Variants in ZDHHC19 observed in about 807,000 individuals in gnomAD.
ZDHHC19 encodes palmitoyltransferase ZDHHC19.
A neutral mutation model predicts 33.9 loss-of-function variants in ZDHHC19; 30 were observed. That is an observed-to-expected ratio of 0.88 (90% CI 0.66 to 1.20). The LOEUF (loss-of-function observed/expected upper bound fraction) is 1.20. Among genes scored for constraint, ZDHHC19 ranks in the 50% most tolerant of loss-of-function variants. ZDHHC19 has a pLI of 0.00. For synonymous variants in ZDHHC19, 178 were observed against 167.6 expected (o/e 1.06, Z -0.48); for missense variants, 364 against 401.1 (o/e 0.91, Z 0.79).
rs1019035221 is a variant in ZDHHC19 at position 196,210,265 on chromosome 3, A to G, written c.268+351T>C. ...AGAAAGAAAGAAAAAGAAAGAAAGA[A>G]AAGAGAAAGAAAGAAAGAAAGAAGG... On this transcript the variant is annotated intron_variant, in intron 2 of 7. Coordinates refer to ENST00000296326, the MANE Select transcript of ZDHHC19 (RefSeq NM_001039617.2). Among the ~76,000 whole-genome samples the G allele has an allele frequency of 3.7e-4, 28 of 76,676 alleles. No individual in the cohort carries two copies. The South Asian group carries it at 6.7e-3, about 18-fold the overall frequency. 50.3% of individuals were successfully genotyped at this position (76,676 alleles called of 152,430 possible).
rs778312288 is a variant in ZDHHC19, at chr3:196,210,680, G to C, written c.204C>G (p.Leu68=). ...CAAGACTGAAGAAGGTAAGGACAAA[G>C]AGGGAGCCTGTGATAACAGGAAAGG... ...EWAFPVITGS[L]FVLTFFSLVS... Residue 68 remains leucine, a synonymous_variant, in exon 2 of 8, where the codon CTC becomes CTG. Coordinates refer to ENST00000296326, the MANE Select transcript of ZDHHC19 (RefSeq NM_001039617.2). 1.2e-6 allele frequency: 2 copies of C among 1,613,988 alleles called. No individual in the cohort carries two copies. The highest frequency in any genetic ancestry group is 2.7e-5 in the African/African-American group (2 of 74,926).
intron 5 of ZDHHC19, among the ~76,000 whole-genome samples, chr3:196,199,165 C>T (rs529693014): frequency 6.6e-6 from 1 of 152,332 alleles, no homozygotes; most frequent in African/African-American, 2.4e-5. Flanking sequence ...ATCACATGGC[C>T]CAGGAAAATC....
At chr3:196,204,695 C>T (rs1722598334) in intron 5 of ZDHHC19, among the ~76,000 whole-genome samples, 2 of 152,184 alleles carry the variant, frequency 1.3e-5, no homozygotes, top group African/African-American at 4.8e-5. Flanking sequence ...AAACAAAAAA[C>T]AACTGACAAC....
chr3:196,210,711 T>TC lies in ZDHHC19; in HGVS notation c.172dup (p.Glu58GlyfsTer36). ...GCCTGTGATAACAGGAAAGGCCCAC[T>TC]CCCCGTTCTGAGCCAGCCACCTGCA... On this transcript the variant is annotated frameshift_variant, in exon 2 of 8. Transcript: ENST00000296326. LOFTEE classifies it high-confidence loss of function. 2 of 1,613,830 alleles carry TC rather than the reference T, an allele frequency of 1.2e-6. No individual in the cohort carries two copies. Among genetic ancestry groups the TC allele is most frequent in the Non-Finnish European group, 1.7e-6 (2 of 1,179,908 alleles).
intron 5 of ZDHHC19, among the ~76,000 whole-genome samples, chr3:196,205,879 C>T (rs997205321): frequency 6.6e-6 from 1 of 151,950 alleles, no homozygotes; most frequent in East Asian, 1.9e-4. Flanking sequence ...AGGCTGGTCT[C>T]GAACTCCTGA....
chr3:196,207,398 C>T lies in ZDHHC19; in HGVS notation c.687G>A (p.Lys229=). The T allele has an allele frequency of 1.9e-6, 3 of 1,557,656 alleles. No homozygotes were observed. Among genetic ancestry groups the T allele is most frequent in the Non-Finnish European group, 2.6e-6 (3 of 1,151,612 alleles). ...VSSADRTYKG[K]CRHLQGYNPF... is the part of the protein sequence containing the mutation. ...GCTGACCACCCGCGGCCCCGCGTACCTTGCCCTTGTAGGTGCGGTCGGCCG... is the reference window on the plus strand; with the variant it reads ...GCTGACCACCCGCGGCCCCGCGTACTTTGCCCTTGTAGGTGCGGTCGGCCG... Residue 229 remains lysine, a splice_region_variant and synonymous_variant, in exon 5 of 8, where the codon AAG becomes AAA. Transcript: ENST00000296326.
At chr3:196,208,332 A>C in intron 4 of ZDHHC19, 56 bp downstream of exon 4, 2 of 1,445,938 alleles carry the variant, frequency 1.4e-6, no homozygotes, top group Non-Finnish European at 1.9e-6. Flanking sequence ...CGCCCTCTGC[A>C]GCCCCCTCCT....
At chr3:196,198,070 G>A (rs185900509) in intron 7 of ZDHHC19, among the ~76,000 whole-genome samples, 1 of 152,096 alleles carries the variant, frequency 6.6e-6, no homozygotes, top group Non-Finnish European at 1.5e-5. Flanking sequence ...ATTTGTCTTT[G>A]TGACTCCAGG....
chr3:196,198,424 C>T lies in ZDHHC19; in HGVS notation c.801G>A (p.Gln267=). The change falls in exon 7 of 8, where the codon CAG becomes CAA. Residue 267 remains glutamine, a synonymous_variant. Coordinates refer to ENST00000296326, the MANE Select transcript of ZDHHC19 (RefSeq NM_001039617.2). ...PKYMAEAVQL[Q]RVVGPDWTSM... is the part of the protein sequence containing the mutation. ...ATGTCCAGTCAGGCCCCACCACTCT[C>T]TGCAGCTGGACAGCTTCAGCCATGT... The T allele has an allele frequency of 1.3e-6, 2 of 1,558,850 alleles. No individual in the cohort carries two copies. Among genetic ancestry groups the T allele is most frequent in the South Asian group, 2.4e-5 (2 of 82,320 alleles).
intron 4 of ZDHHC19, 110 bp downstream of exon 4, chr3:196,208,278 G>A (rs1722941392): frequency 1.1e-6 from 1 of 871,250 alleles, no homozygotes. Context: ...TCCCAGACTG[G>A]TCCTCCCAGG....
Position 196,210,628 on chromosome 3 carries a change from T to C in ZDHHC19, c.256A>G (p.Ile86Val). ...GCTGATGCCTCACCTTGATGTAAGA[T>C]GCCAGGGTCTGAGAAGTTGAGTGAA... ...LVSLNFSDPG[I>V]LHQGSAEQGP... Residue 86 changes from isoleucine to valine, a missense_variant, in exon 2 of 8, where the codon ATC becomes GTC. Physicochemically the swap from Ile to Val is conservative, Grantham distance 29 (BLOSUM62 3). Coordinates refer to ENST00000296326, the MANE Select transcript of ZDHHC19 (RefSeq NM_001039617.2). 1.2e-6 allele frequency: 2 copies of C among 1,613,926 alleles called. No individual in the cohort carries two copies. The highest frequency in any genetic ancestry group is 1.7e-6 in the Non-Finnish European group (2 of 1,179,942).
rs527886339 is a variant in ZDHHC19, at chr3:196,200,359, A to ATTT, written c.688-1488_688-1486dup. Among the ~76,000 whole-genome samples the ATTT allele has an allele frequency of 1.6e-4, 20 of 123,994 alleles. 1 individual carries two copies. Among genetic ancestry groups the ATTT allele is most frequent in the African/African-American group, 3.4e-4 (11 of 31,952 alleles). 81.3% of individuals were successfully genotyped at this position (123,994 alleles called of 152,430 possible). On this transcript the variant is annotated intron_variant, in intron 5 of 7. Transcript: ENST00000296326. ...ATATATATATGTATATATATATATAATTTTTTTTTTTTTGAGATGGAGTCT... is the reference window on the plus strand; with the variant it reads ...ATATATATATGTATATATATATATAATTTTTTTTTTTTTTTTGAGATGGAGTCT...
At position 196,209,449 on chromosome 3, in the gene ZDHHC19, T is replaced by G; in HGVS notation, c.335A>C (p.Gln112Pro). The G allele has an allele frequency of 6.2e-7, 1 of 1,611,866 alleles. No homozygotes were observed. The highest frequency in any genetic ancestry group is 8.5e-7 in the Non-Finnish European group (1 of 1,179,304). ...GTGGAAGCAGCACTTTGGACACCAT[T>G]GCAGGCGGAAGGCCCCGTGGTTCAC... is the stretch of plus-strand genomic sequence containing the variant. ...VWVNHGAFRL[Q>P]WCPKCCFHRP... is the part of the protein sequence containing the mutation. Residue 112 changes from glutamine (Q) to proline (P), a missense_variant, in exon 3 of 8, where the codon CAA (glutamine) becomes CCA (proline). Transcript: ENST00000296326.
At chr3:196,205,398 C>T (rs74725808) in intron 5 of ZDHHC19, among the ~76,000 whole-genome samples, 1,648 of 152,200 alleles carry the variant, frequency 0.011, 41 homozygotes, top group African/African-American at 0.037. Context: ...AAGCCAGACT[C>T]ACAAGCCAAC....
intron 5 of ZDHHC19, among the ~76,000 whole-genome samples, chr3:196,200,342 ATG>A (rs1182120802): frequency 7.5e-6 from 1 of 133,952 alleles, no homozygotes; most frequent in East Asian, 2.3e-4. Flanking sequence ...ATATATATAT[ATG>A]TATATATATA....
Position 196,198,374 on chromosome 3 carries a change from A to AT in ZDHHC19, c.850dup (p.Met284AsnfsTer78). On this transcript the variant is annotated frameshift_variant, in exon 7 of 8. Coordinates refer to ENST00000296326, the MANE Select transcript of ZDHHC19 (RefSeq NM_001039617.2). LOFTEE classifies it high-confidence loss of function. The stretch of plus-strand genomic sequence containing the variant: ...TGGGGGGTTGAGAGCAGAGGGGGAC[A>AT]TTGGAGGGTGCAGATTCGGCATGGA... 1.3e-6 allele frequency: 2 copies of AT among 1,534,382 alleles called. No individual in the cohort carries two copies. Among genetic ancestry groups the AT allele is most frequent in the South Asian group, 2.6e-5 (2 of 78,362 alleles).
At chr3:196,208,641 C>A (rs1722978792) in intron 3 of ZDHHC19, 81 bp from the exon 4 acceptor site, 1 of 1,512,276 alleles carries the variant, frequency 6.6e-7, no homozygotes, top group Middle Eastern at 1.9e-4. Context: ...GAGGCCCTCC[C>A]CCTGCCTTCT....
chr3:196,199,851 A>G (rs1170849948), intron 5 of ZDHHC19, among the ~76,000 whole-genome samples: 1 of 151,932 alleles, frequency 6.6e-6, no homozygotes, highest in Non-Finnish European at 1.5e-5. Context: ...AGGCTGAGAC[A>G]GAAGAATCGC....
chr3:196,211,321 G>C lies in ZDHHC19; in HGVS notation c.-6C>G, dbSNP rs1357506383. The C allele has an allele frequency of 2.5e-6, 4 of 1,602,898 alleles. No homozygotes were observed. Among genetic ancestry groups the C allele is most frequent in the Non-Finnish European group, 3.4e-6 (4 of 1,173,612 alleles). On this transcript the variant is annotated 5_prime_UTR_variant, in exon 1 of 8. Coordinates refer to ENST00000296326, the MANE Select transcript of ZDHHC19 (RefSeq NM_001039617.2). Reference sequence around the variant, plus strand: ...GCATCCGTTAAGAGTGTCATGGCTGGGCCTCCTTCGCCTCCAGGGGAGGTC... The same window carrying C: ...GCATCCGTTAAGAGTGTCATGGCTGCGCCTCCTTCGCCTCCAGGGGAGGTC...
Sources: gnomAD v4.1 joint callset for allele counts (sites outside exome capture counted in the v4.1 genomes callset) on GRCh38, gnomAD v4.1.1 for gene constraint, MANE v1.5 for transcripts, NCBI Gene and HGNC (gene_info 2026-07-23, HGNC 2026-07-21) for gene names.